BLM: variants seen among roughly 807,000 people sequenced by gnomAD.
BLM encodes the protein recQ-like DNA helicase BLM.
A neutral mutation model predicts 135.3 loss-of-function variants in BLM; 95 were observed. That is an observed-to-expected ratio of 0.70 (90% confidence interval 0.59 to 0.83). BLM has a LOEUF of 0.83. BLM is among the 40% of genes least tolerant of loss of function. The pLI is 0.00. For synonymous variants in BLM, 520 were observed against 589.2 expected (o/e 0.88, Z 1.70); for missense variants, 1,518 against 1,663.9 (o/e 0.91, Z 1.53).
At chr15:90,804,130 T>A (rs1372935218) in intron 18 of BLM, 37 bp from the exon 19 acceptor site, 1 of 1,580,726 alleles carries the variant, frequency 6.3e-7, no homozygotes, top group Non-Finnish European at 8.7e-7. Context: ...CAAGTGCACA[T>A]ATACCCACTC....
intron 15 of BLM, 28 bp downstream of exon 15, chr15:90,790,872 T>G (rs1194191171): frequency 1.9e-6 from 3 of 1,591,224 alleles, no homozygotes; most frequent in Middle Eastern, 1.8e-4. Context: ...GTAGAGACAT[T>G]CTGTCATCTT....
intron 21 of BLM, 78 bp downstream of exon 21, chr15:90,811,484 G>C (rs1596273838): frequency 6.9e-7 from 1 of 1,448,040 alleles, no homozygotes; most frequent in East Asian, 2.3e-5. Context: ...GCCTTGCTTT[G>C]AAGGATTTAT....
intron 1 of BLM, among the ~76,000 whole-genome samples, chr15:90,726,418 G>A (rs886257097): frequency 6.6e-6 from 1 of 152,056 alleles, no homozygotes; most frequent in Non-Finnish European, 1.5e-5. Flanking sequence ...ACAGGCATGC[G>A]CCACCATGCC....
intron 12 of BLM, among the ~76,000 whole-genome samples, chr15:90,777,132 C>A (rs1012306088): frequency 3.3e-5 from 5 of 151,190 alleles, no homozygotes; most frequent in African/African-American, 1.2e-4. Context: ...CACATACTAC[C>A]ATGCCTGGCT....
At chr15:90,798,808 C>G (rs1018158272) in intron 17 of BLM, among the ~76,000 whole-genome samples, 2 of 152,038 alleles carry the variant, frequency 1.3e-5, no homozygotes, top group Non-Finnish European at 2.9e-5. Context: ...ATGGTGAAAC[C>G]CTGTCTCTAC....
chr15:90,728,869 A>G (rs1894988014), intron 1 of BLM, among the ~76,000 whole-genome samples: 1 of 152,148 alleles, frequency 6.6e-6, no homozygotes, highest in Non-Finnish European at 1.5e-5. Flanking sequence ...ATAAATTACC[A>G]TAAACTTAGT....
At chr15:90,787,272 C>G (rs1478515232) in intron 14 of BLM, among the ~76,000 whole-genome samples, 1 of 151,764 alleles carries the variant, frequency 6.6e-6, no homozygotes, top group Admixed American at 6.6e-5. Context: ...CCAGGAGGGT[C>G]TCGATCTCCT....
chr15:90,730,252 C>CA (rs1408280163), intron 1 of BLM, among the ~76,000 whole-genome samples: 2 of 152,158 alleles, frequency 1.3e-5, no homozygotes, highest in African/African-American at 4.8e-5. Context: ...TTCCAGTTAA[C>CA]ACGCCTTTTA....
At chr15:90,764,221 T>TGA (rs912613853) in intron 8 of BLM, among the ~76,000 whole-genome samples, 1 of 149,230 alleles carries the variant, frequency 6.7e-6, no homozygotes, top group Non-Finnish European at 1.5e-5. Flanking sequence ...CAACCACTTG[T>TGA]GAGAGAGAGA....
chr15:90,814,727 T>C (rs1567068633), intron 21 of BLM, among the ~76,000 whole-genome samples: 1 of 152,198 alleles, frequency 6.6e-6, no homozygotes, highest in Non-Finnish European at 1.5e-5. Flanking sequence ...TACAGCAAGG[T>C]GTTTCACTTC....
At chr15:90,771,905 T>A (rs986087287) in intron 12 of BLM, among the ~76,000 whole-genome samples, 1 of 152,198 alleles carries the variant, frequency 6.6e-6, no homozygotes, top group Non-Finnish European at 1.5e-5. Flanking sequence ...GCAGGCACCT[T>A]GAATCTGTTT....
intron 1 of BLM, among the ~76,000 whole-genome samples, chr15:90,739,797 G>C (rs1278452420): frequency 2.0e-5 from 3 of 152,068 alleles, no homozygotes; most frequent in Non-Finnish European, 2.9e-5. Flanking sequence ...ACAGGGTCTT[G>C]CTCTGTTGCC....
At chr15:90,776,502 C>T (rs1022260459) in intron 12 of BLM, among the ~76,000 whole-genome samples, 30 of 151,982 alleles carry the variant, frequency 2.0e-4, no homozygotes, top group Non-Finnish European at 3.8e-4. Context: ...TTGTGTGATA[C>T]GCTTTTCTAA....
chr15:90,804,254 A>T lies in BLM; in HGVS notation c.3646A>T (p.Lys1216Ter), dbSNP rs2151194897. 2.5e-6 allele frequency: 4 copies of T among 1,614,042 alleles called. No homozygotes were observed. Among genetic ancestry groups the T allele is most frequent in the Non-Finnish European group, 1.7e-6 (2 of 1,179,870 alleles). Reference sequence around the variant, plus strand: ...AGTGTCTCAGAGGGAAGAGATGGTTAAAAAATGTCTTGGAGAACTTACAGA... The same window carrying T: ...AGTGTCTCAGAGGGAAGAGATGGTTTAAAAATGTCTTGGAGAACTTACAGA... ...AKVSQREEMV[K>*]KCLGELTEVC... Residue 1216 changes from lysine (K) to a stop codon, truncating the protein, a stop_gained, in exon 19 of 22, where the codon AAA becomes TAA. Coordinates refer to ENST00000355112, the MANE Select transcript of BLM (RefSeq NM_000057.4). LOFTEE classifies it high-confidence loss of function.
In BLM at chr15:90,790,664, A is replaced by T; in HGVS notation, c.2839A>T (p.Ile947Phe). The part of the protein sequence containing the change: ...QDGCQVICAT[I>F]AFGMGIDKPD... ...TTTATATCAGGTTATCTGTGCTACA[A>T]TTGCATTTGGAATGGGGATTGACAA... is the stretch of plus-strand genomic sequence containing the variant. The change falls in exon 15 of 22, where the codon ATT becomes TTT. Residue 947 changes from isoleucine to phenylalanine, a missense_variant. Around this residue, in one of 5 missense-constraint regions of BLM, gnomAD observed 626 missense variants for 681.1 expected, o/e 0.92. Coordinates refer to ENST00000355112, the MANE Select transcript of BLM (RefSeq NM_000057.4). 1 of 1,614,154 alleles carries T rather than the reference A, an allele frequency of 6.2e-7. No homozygotes were observed. The highest frequency in any genetic ancestry group is 8.5e-7 in the Non-Finnish European group (1 of 1,180,006).
chr15:90,793,973 C>A, intron 15 of BLM, 194 bp from the exon 16 acceptor site: 1 of 384,166 alleles, frequency 2.6e-6, no homozygotes. Context: ...ACATTTATTC[C>A]TATAGTACTA....
chr15:90,739,305 G>T (rs1420287877), intron 1 of BLM, among the ~76,000 whole-genome samples: 1 of 152,122 alleles, frequency 6.6e-6, no homozygotes, highest in Non-Finnish European at 1.5e-5. Flanking sequence ...GGAGGCTCGG[G>T]CAGGAGAATC....
At position 90,804,152 on chromosome 15, in the gene BLM, TTC is replaced by T. The variant is rs1018318632; in HGVS notation, c.3559-8_3559-7del. On this transcript the variant is annotated splice_polypyrimidine_tract_variant and intron_variant, in intron 18 of 21. Coordinates refer to ENST00000355112, the MANE Select transcript of BLM (RefSeq NM_000057.4). The stretch of plus-strand genomic sequence containing the variant: ...ACATATACCCACTCCTATGATTTGT[TTC>T]TCTCTCATAAAGGTAGACTTTATGG... The T allele has an allele frequency of 6.2e-7, 1 of 1,609,960 alleles. No individual in the cohort carries two copies. The highest frequency in any genetic ancestry group is 1.3e-5 in the African/African-American group (1 of 74,924).
In BLM at chr15:90,761,126, C is replaced by A; in HGVS notation, c.1753C>A (p.Gln585Lys). The A allele has an allele frequency of 3.2e-6, 5 of 1,540,014 alleles. No individual in the cohort carries two copies. The highest frequency in any genetic ancestry group is 4.4e-6 in the Non-Finnish European group (5 of 1,149,028). Residue 585 changes from glutamine to lysine, a missense_variant, in exon 7 of 22, where the codon CAA becomes AAA. Transcript: ENST00000355112. Reference protein sequence around the residue: ...AASKSSTAAYQPIKEGRPIKS... With the variant: ...AASKSSTAAYKPIKEGRPIKS... ...CAGCAAATCTTCCACAGCTGCCTAT[C>A]AACCCATCAAGGAAGGTCGGCCAAT...
Sources: gnomAD v4.1 joint callset for allele counts (sites outside exome capture counted in the v4.1 genomes callset) on GRCh38, gnomAD v4.1.1 for gene constraint, gnomAD v4.1.1 regional missense constraint, MANE v1.5 for transcripts, NCBI Gene and HGNC (gene_info 2026-07-23, HGNC 2026-07-21) for gene names.